The following ZNF678 variants were observed in gnomAD, a reference collection of about 807,000 sequenced individuals.
ZNF678 encodes zinc finger protein 678.
Under a neutral mutation model 3.0 loss-of-function variants are expected in ZNF678, and 5 were observed. The observed-to-expected ratio is 1.69, with a 90% CI of 0.88 to 3.56. The LOEUF (loss-of-function observed/expected upper bound fraction) is 3.56. Ranked by LOEUF, ZNF678 falls within the 30% of genes most tolerant of loss-of-function variation. ZNF678 has a pLI of 0.00. For missense variants in ZNF678, 593 were observed against 605.0 expected (o/e 0.98, Z 0.21); for synonymous variants, 218 against 199.6 (o/e 1.09, Z -0.78).
chr1:227,632,550 A>T (rs1264502550), intron 1 of ZNF678, among the ~76,000 whole-genome samples: 1 of 152,024 alleles, frequency 6.6e-6, no homozygotes, highest in Non-Finnish European at 1.5e-5. Flanking sequence ...TCCCCCAGGA[A>T]TATTGTGAAA....
At chr1:227,603,721 T>G (rs903686) in intron 1 of ZNF678, among the ~76,000 whole-genome samples, 1 of 152,200 alleles carries the variant, frequency 6.6e-6, no homozygotes. Context: ...CCAGGTCTGT[T>G]GACAAAGCAG....
chr1:227,669,374 C>A (rs146383496), intron 5 of ZNF678, among the ~76,000 whole-genome samples: 152 of 152,258 alleles, frequency 1.0e-3, no homozygotes, highest in African/African-American at 3.6e-3. Flanking sequence ...CATCTCCCCA[C>A]GCCTGTAATC....
intron 5 of ZNF678, among the ~76,000 whole-genome samples, chr1:227,670,081 A>G (rs141934816): frequency 4.6e-5 from 7 of 152,370 alleles, no homozygotes; most frequent in Non-Finnish European, 1.0e-4. Flanking sequence ...AATCTAAAGC[A>G]GATTAACTCT....
intron 1 of ZNF678, among the ~76,000 whole-genome samples, chr1:227,596,221 C>T (rs1657583930): frequency 6.6e-6 from 1 of 152,210 alleles, no homozygotes; most frequent in Non-Finnish European, 1.5e-5. Context: ...TAAGGAGCTG[C>T]CGCAACCATC....
At chr1:227,588,040 T>G (rs1279408405) in intron 1 of ZNF678, among the ~76,000 whole-genome samples, 1 of 152,136 alleles carries the variant, frequency 6.6e-6, no homozygotes, top group Non-Finnish European at 1.5e-5. Context: ...TGTTCATGTT[T>G]TCTCATCAAT....
rs1234691832 is a variant in ZNF678, at chr1:227,655,188, G to T, written c.938G>T (p.Arg313Ile). Residue 313 changes from arginine to isoleucine, a missense_variant, in exon 4 of 4, where the codon AGA becomes ATA. Transcript: ENST00000343776. ...TTTGCAAGCCTTACTCGTCATAAAA[G>T]AATTCATACTGGAGAAAAACCCTAC... ...TQFASLTRHK[R>I]IHTGEKPYQC... The T allele has an allele frequency of 4.3e-6, 7 of 1,611,844 alleles. 1 individual carries two copies. In the Admixed American group the frequency reaches 5.0e-5, roughly 12 times the overall value.
At chr1:227,669,453 G>A (rs1044593657) in intron 5 of ZNF678, among the ~76,000 whole-genome samples, 2 of 151,216 alleles carry the variant, frequency 1.3e-5, no homozygotes, top group African/African-American at 2.4e-5. Flanking sequence ...TGGCTAACAC[G>A]GTGAAACCCC....
intron 1 of ZNF678, among the ~76,000 whole-genome samples, chr1:227,569,630 G>T (rs1200129393): frequency 3.3e-5 from 5 of 151,528 alleles, no homozygotes; most frequent in African/African-American, 1.2e-4. Flanking sequence ...ACTGATATTT[G>T]TATGTTAATT....
rs2102774826 is a variant in ZNF678 at position 227,625,566 on chromosome 1, GGATT to G, written c.-163-20975_-163-20972del. On this transcript the variant is annotated intron_variant, in intron 1 of 3. Coordinates refer to ENST00000343776, the MANE Select transcript of ZNF678 (RefSeq NM_001367909.1). ...CTTAACAAGGAGGTTAAAGATACAG[GGATT>G]GAAATGTATGGCCTGAAGTGCAGGG... 3.9e-5 allele frequency among the ~76,000 whole-genome samples: 6 copies of G among 152,284 alleles called. 2 individuals carry two copies. The highest frequency in any genetic ancestry group is 1.4e-4 in the African/African-American group (6 of 41,558).
At chr1:227,606,868 A>G (rs1657886504) in intron 1 of ZNF678, among the ~76,000 whole-genome samples, 1 of 152,212 alleles carries the variant, frequency 6.6e-6, no homozygotes, top group Non-Finnish European at 1.5e-5. Context: ...TCAGTACAGC[A>G]CATGTTTCTG....
intron 1 of ZNF678, among the ~76,000 whole-genome samples, chr1:227,577,895 A>C (rs1033478190): frequency 1.3e-5 from 2 of 152,138 alleles, no homozygotes; most frequent in Non-Finnish European, 2.9e-5. Flanking sequence ...CTCCATATTA[A>C]GTGCTTTTTT....
chr1:227,661,917 C>T lies in ZNF678; in HGVS notation c.*6089C>T, dbSNP rs886550432. 2.0e-5 allele frequency: 3 copies of T among 152,142 alleles called. No individual in the cohort carries two copies. Among genetic ancestry groups the T allele is most frequent in the Non-Finnish European group, 2.9e-5 (2 of 68,044 alleles). 9.4% of individuals were successfully genotyped at this position (152,142 alleles called of 1,614,324 possible). A position where few individuals can be genotyped will look rare whatever the true frequency, so the allele number is the denominator to read the frequency against. On this transcript the variant is annotated 3_prime_UTR_variant, in exon 4 of 4. Coordinates refer to ENST00000343776, the MANE Select transcript of ZNF678 (RefSeq NM_001367909.1). Reference sequence around the variant, plus strand: ...TCATGCAGATTTACTCTAGATTCAGCTTAGACTCATTTTTATACTACTCGG... The same window carrying T: ...TCATGCAGATTTACTCTAGATTCAGTTTAGACTCATTTTTATACTACTCGG...
chr1:227,655,121 A>G lies in ZNF678; in HGVS notation c.871A>G (p.Lys291Glu), dbSNP rs199918205. ...ACATAGGAGAATTCATACTGGAGAG[A>G]AACCCTACAAATGTGAAGAATGTGG... ...TRHRRIHTGE[K>E]PYKCEECGKA... The change falls in exon 4 of 4, where the codon AAA (lysine) becomes GAA (glutamate). Residue 291 changes from lysine to glutamate, a missense_variant. Physicochemically the swap from Lys to Glu is moderately conservative, Grantham distance 56. Coordinates refer to ENST00000343776, the MANE Select transcript of ZNF678 (RefSeq NM_001367909.1). 1.7e-5 allele frequency: 27 copies of G among 1,613,088 alleles called. No individual in the cohort carries two copies. Among genetic ancestry groups the G allele is most frequent in the Non-Finnish European group, 2.0e-5 (24 of 1,179,646 alleles).
chr1:227,573,846 C>T (rs2102719143), intron 1 of ZNF678, among the ~76,000 whole-genome samples: 1 of 152,156 alleles, frequency 6.6e-6, no homozygotes, highest in East Asian at 1.9e-4. Flanking sequence ...CAGATAAGTC[C>T]CAGTGTCTTT....
Position 227,563,639 on chromosome 1 carries a change from T to C in ZNF678, c.-249T>C. On this transcript the variant is annotated 5_prime_UTR_variant, in exon 1 of 4. Transcript: ENST00000343776. Reference sequence around the variant, plus strand: ...CTGCGGGAGGCCCTGGTGACTCTGCTGCTGCAGTGTCTGGTTTCCCTGTGA... The same window carrying C: ...CTGCGGGAGGCCCTGGTGACTCTGCCGCTGCAGTGTCTGGTTTCCCTGTGA... The C allele has an allele frequency of 7.7e-7, 1 of 1,292,718 alleles. No homozygotes were observed. The highest frequency in any genetic ancestry group is 1.0e-6 in the Non-Finnish European group (1 of 974,724). The allele number at this position is 1,292,718 out of a possible 1,614,324, so 80.1% of individuals were successfully genotyped here.
intron 2 of ZNF678, 91 bp from the exon 3 acceptor site, chr1:227,650,865 T>G: frequency 1.1e-6 from 1 of 925,770 alleles, no homozygotes; most frequent in South Asian, 1.9e-5. Flanking sequence ...ACATATAAGA[T>G]AATGTCATCA....
In ZNF678 at chr1:227,661,059, ATATAATGTCTACTGCT is replaced by A. The variant is rs1405832309; in HGVS notation, c.*5246_*5261del. On this transcript the variant is annotated 3_prime_UTR_variant, in exon 4 of 4. Transcript: ENST00000343776. ...GCATCATATGTTACATTCTCGTGAC[ATATAATGTCTACTGCT>A]TATAATGTCTACTGTGAGTTTCTGA... The A allele has an allele frequency of 2.0e-5, 3 of 152,206 alleles. No homozygotes were observed. The highest frequency in any genetic ancestry group is 3.8e-4 in the East Asian group (2 of 5,198). The allele number at this position is 152,206 out of a possible 1,614,324, so 9.4% of individuals were successfully genotyped here. A position where few individuals can be genotyped will look rare whatever the true frequency, so the allele number is the denominator to read the frequency against.
At chr1:227,644,991 G>A (rs1280612006) in intron 1 of ZNF678, among the ~76,000 whole-genome samples, 1 of 152,200 alleles carries the variant, frequency 6.6e-6, no homozygotes, top group Non-Finnish European at 1.5e-5. Flanking sequence ...CTTTTGGTTT[G>A]GTGTGGTCAA....
rs1656587990 is a variant in ZNF678 at position 227,563,628 on chromosome 1, G to A, written c.-260G>A. 1 of 1,257,956 alleles carries A rather than the reference G, an allele frequency of 7.9e-7. No individual in the cohort carries two copies. The highest frequency in any genetic ancestry group is 1.1e-6 in the Non-Finnish European group (1 of 944,286). The allele number at this position is 1,257,956 out of a possible 1,614,324, so 77.9% of individuals were successfully genotyped here. The stretch of plus-strand genomic sequence containing the variant: ...TTTATCCCCAGCTGCGGGAGGCCCT[G>A]GTGACTCTGCTGCTGCAGTGTCTGG... On this transcript the variant is annotated 5_prime_UTR_variant, in exon 1 of 4. Coordinates refer to ENST00000343776, the MANE Select transcript of ZNF678 (RefSeq NM_001367909.1).
Sources: gnomAD v4.1 joint callset for allele counts (sites outside exome capture counted in the v4.1 genomes callset) on GRCh38, gnomAD v4.1.1 for gene constraint, MANE v1.5 for transcripts, NCBI Gene and HGNC (gene_info 2026-07-23, HGNC 2026-07-21) for gene names.